Variants in SETMAR observed in about 807,000 individuals in gnomAD.
SETMAR encodes the protein histone-lysine N-methyltransferase SETMAR.
SETMAR carries 44 observed loss-of-function variants against 58.4 expected under a neutral mutation model. The observed-to-expected ratio is 0.75, with a 90% CI of 0.59 to 0.97. The LOEUF (loss-of-function observed/expected upper bound fraction) is 0.97, where lower values mean the gene tolerates loss of function less well. SETMAR is among the 50% of genes least tolerant of loss of function. The pLI, the probability that SETMAR is intolerant of heterozygous loss-of-function variation, is 0.00. For synonymous variants in SETMAR, 332 were observed against 307.4 expected, an observed-to-expected ratio of 1.08 and a Z score of -0.84; for missense variants, 903 against 840.2, an observed-to-expected ratio of 1.07 and a Z score of -0.92.
intron 1 of SETMAR, among the ~76,000 whole-genome samples, chr3:4,305,445 A>C (rs1030281425): frequency 2.6e-5 from 4 of 152,168 alleles, no homozygotes; most frequent in African/African-American, 9.7e-5. Flanking sequence ...CAGAGGGAGC[A>C]GGTTGTAAAA....
Position 4,316,359 on chromosome 3 carries a change from T to C in SETMAR, c.1168T>C (p.Phe390Leu). 2.0e-6 allele frequency: 3 copies of C among 1,531,972 alleles called. No individual in the cohort carries two copies. The highest frequency in any genetic ancestry group is 2.6e-6 in the Non-Finnish European group (3 of 1,134,616). 94.9% of individuals were successfully genotyped at this position (1,531,972 alleles called of 1,614,324 possible). A position where few individuals can be genotyped will look rare whatever the true frequency, so the allele number is the denominator to read the frequency against. ...TANERTVQWWFKKFCKGDESL... is the reference protein window; with the variant it reads ...TANERTVQWWLKKFCKGDESL... ...TAACGAACGTACAGTGCAGTGGTGG[T>C]TCAAGAAGTTTTGCAAAGGAGATGA... Residue 390 changes from phenylalanine to leucine, a missense_variant, in exon 3 of 3, where the codon TTC becomes CTC. Coordinates refer to ENST00000358065, the MANE Select transcript of SETMAR (RefSeq NM_006515.4).
At position 4,313,541 on chromosome 3, in the gene SETMAR, T is replaced by C. The variant is rs760881161; in HGVS notation, c.800T>C (p.Leu267Pro). Residue 267 changes from leucine (L) to proline (P), a missense_variant, in exon 2 of 3, where the codon CTT becomes CCT. Transcript: ENST00000358065. Reference sequence around the variant, plus strand: ...TCTTATGATTATTCAGGAAGATATCTTAATCTAACAGTCAGTGAAGACAAA... The same window carrying C: ...TCTTATGATTATTCAGGAAGATATCCTAATCTAACAGTCAGTGAAGACAAA... ...ELSYDYSGRY[L>P]NLTVSEDKER... The C allele has an allele frequency of 1.9e-6, 3 of 1,614,074 alleles. No individual in the cohort carries two copies. The South Asian group carries it at 3.3e-5, about 18-fold the overall frequency.
chr3:4,316,119 C>G (rs1698632642), intron 2 of SETMAR, 93 bp from the exon 3 acceptor site: 1 of 486,280 alleles, frequency 2.1e-6, no homozygotes, highest in African/African-American at 2.0e-5. Flanking sequence ...GGAATACATT[C>G]TTAAATGTGG....
At chr3:4,311,117 A>G (rs1289130633) in intron 1 of SETMAR, among the ~76,000 whole-genome samples, 3 of 152,160 alleles carry the variant, frequency 2.0e-5, no homozygotes, top group Admixed American at 6.5e-5. Context: ...ATGACTTTTT[A>G]AGCAGAATGT....
Position 4,313,096 on chromosome 3 carries a change from A to C in SETMAR, c.355A>C (p.Asn119His). The C allele has an allele frequency of 6.2e-7, 1 of 1,613,988 alleles. No homozygotes were observed. The highest frequency in any genetic ancestry group is 8.5e-7 in the Non-Finnish European group (1 of 1,179,960). ...GKYAEPVFEC[N>H]VLCRCSDHCR... ...GTATGCAGAGCCTGTTTTTGAATGC[A>C]ATGTCCTGTGCCGATGCAGTGACCA... Residue 119 changes from asparagine (N) to histidine (H), a missense_variant, in exon 2 of 3, where the codon AAT becomes CAT. By Grantham distance (68) the Asn-to-His change is moderately conservative. Transcript: ENST00000358065.
chr3:4,316,766 C>A lies in SETMAR; in HGVS notation c.1575C>A (p.Ile525=). The part of the protein sequence containing the change: ...EEAPKHFPKP[I]LHPKKVMVTI... ...CTCCAAAGCACTTCCCAAAGCCAAT[C>A]TTGCACCCAAAAAAGGTCATGGTCA... Residue 525 remains isoleucine, a synonymous_variant, in exon 3 of 3, where the codon ATC becomes ATA. Coordinates refer to ENST00000358065, the MANE Select transcript of SETMAR (RefSeq NM_006515.4). The A allele has an allele frequency of 6.4e-7, 1 of 1,550,784 alleles. No individual in the cohort carries two copies. The highest frequency in any genetic ancestry group is 1.2e-5 in the South Asian group (1 of 84,058).
At chr3:4,310,852 A>G (rs1014941020) in intron 1 of SETMAR, among the ~76,000 whole-genome samples, 6 of 152,222 alleles carry the variant, frequency 3.9e-5, no homozygotes, top group Non-Finnish European at 8.8e-5. Context: ...AATCAACTTA[A>G]AAGTTTAACA....
At position 4,309,252 on chromosome 3, in the gene SETMAR, T is replaced by C. The variant is rs180812082; in HGVS notation, c.157-3646T>C. Among the ~76,000 whole-genome samples, 168 of 152,292 alleles carry C rather than the reference T, an allele frequency of 1.1e-3. 1 individual carries two copies. The highest frequency in any genetic ancestry group is 3.8e-3 in the African/African-American group (157 of 41,566). ...CTTAAAGAGTCTGTTCTATCAGTAA[T>C]TCCAAAAGGGAAGAGGGTATAATGA... On this transcript the variant is annotated intron_variant, in intron 1 of 2. Transcript: ENST00000358065.
chr3:4,314,097 C>A (rs1017737080), intron 2 of SETMAR: 4 of 393,514 alleles, frequency 1.0e-5, no homozygotes, highest in African/African-American at 4.1e-5. Context: ...ATGACTGGAA[C>A]TGGAGCAGTC....
rs376155280 is a variant in SETMAR at position 4,316,963 on chromosome 3, G to A, written c.1772G>A (p.Arg591Gln). 9.7e-5 allele frequency: 151 copies of A among 1,549,268 alleles called. No homozygotes were observed. Among genetic ancestry groups the A allele is most frequent in the Non-Finnish European group, 1.2e-4 (135 of 1,146,760 alleles). Reference protein sequence around the residue: ...KGPILLHDNARPHVAQPTLQK... With the variant: ...KGPILLHDNAQPHVAQPTLQK... ...CCAATTCTTCTCCACGACAATGCCCGACCGCATGTTGCACAACCCACACTT... is the reference window on the plus strand; with the variant it reads ...CCAATTCTTCTCCACGACAATGCCCAACCGCATGTTGCACAACCCACACTT... Residue 591 changes from arginine (R) to glutamine (Q), a missense_variant, in exon 3 of 3, where the codon CGA (arginine) becomes CAA (glutamine). Transcript: ENST00000358065.
At position 4,313,357 on chromosome 3, in the gene SETMAR, A is replaced by T; in HGVS notation, c.616A>T (p.Met206Leu). The T allele has an allele frequency of 6.2e-7, 1 of 1,614,040 alleles. No homozygotes were observed. The highest frequency in any genetic ancestry group is 1.1e-5 in the South Asian group (1 of 91,076). Reference protein sequence around the residue: ...IREHVYNGQVMETFVDPTYIG... With the variant: ...IREHVYNGQVLETFVDPTYIG... ...GGAACATGTTTATAATGGGCAGGTAATGGAAACATTTGTTGACCCTACTTA... is the reference window on the plus strand; with the variant it reads ...GGAACATGTTTATAATGGGCAGGTATTGGAAACATTTGTTGACCCTACTTA... The change falls in exon 2 of 3, where the codon ATG becomes TTG. Residue 206 changes from methionine (M) to leucine (L), a missense_variant. Coordinates refer to ENST00000358065, the MANE Select transcript of SETMAR (RefSeq NM_006515.4).
intron 1 of SETMAR, among the ~76,000 whole-genome samples, chr3:4,311,356 C>T (rs73806998): frequency 0.011 from 1,683 of 152,292 alleles, 36 homozygotes; most frequent in African/African-American, 0.039. Context: ...GTGGTGCAAA[C>T]ATTCCTTCAG....
At chr3:4,313,786 C>T in intron 2 of SETMAR, 25 bp downstream of exon 2, 1 of 1,613,462 alleles carries the variant, frequency 6.2e-7, no homozygotes, top group Non-Finnish European at 8.5e-7. Flanking sequence ...TGATAAGCAG[C>T]TTGCCCCTCC....
In SETMAR at chr3:4,313,684, T is replaced by C. The variant is rs755761490; in HGVS notation, c.943T>C (p.Cys315Arg). The C allele has an allele frequency of 6.2e-7, 1 of 1,614,054 alleles. No homozygotes were observed. The stretch of plus-strand genomic sequence containing the variant: ...CCCCGTAGAAAAGTCGAACATCAGT[T>C]GTGGAAATGAGAAGGAACCCAGCAT... ...YCPVEKSNIS[C>R]GNEKEPSMCG... The change falls in exon 2 of 3, where the codon TGT becomes CGT. Residue 315 changes from cysteine to arginine, a missense_variant. By Grantham distance (180) the Cys-to-Arg change is radical. Coordinates refer to ENST00000358065, the MANE Select transcript of SETMAR (RefSeq NM_006515.4).
chr3:4,304,422 A>G (rs1309709881), intron 1 of SETMAR, among the ~76,000 whole-genome samples: 1 of 152,186 alleles, frequency 6.6e-6, no homozygotes, highest in Non-Finnish European at 1.5e-5. Context: ...GATTACAGGC[A>G]TGAGCCACGC....
At chr3:4,306,727 C>T (rs567338301) in intron 1 of SETMAR, among the ~76,000 whole-genome samples, 158 of 152,332 alleles carry the variant, frequency 1.0e-3, no homozygotes, top group African/African-American at 3.5e-3. Context: ...CTTGCTTGCT[C>T]CAAACCCTGC....
chr3:4,306,110 A>G (rs1698177619), intron 1 of SETMAR, among the ~76,000 whole-genome samples: 1 of 152,184 alleles, frequency 6.6e-6, no homozygotes, highest in African/African-American at 2.4e-5. Flanking sequence ...GGTGTTTACA[A>G]CTGTCACGAT....
Position 4,309,841 on chromosome 3 carries a change from C to A in SETMAR, c.157-3057C>A, listed in dbSNP as rs544146069. ...CCCACTTTACATTAGCTTTCAGATACAATTATACTTCAGATACAGTTATTA... is the reference window on the plus strand; with the variant it reads ...CCCACTTTACATTAGCTTTCAGATAAAATTATACTTCAGATACAGTTATTA... On this transcript the variant is annotated intron_variant, in intron 1 of 2. Coordinates refer to ENST00000358065, the MANE Select transcript of SETMAR (RefSeq NM_006515.4). Among the ~76,000 whole-genome samples the A allele has an allele frequency of 3.9e-5, 6 of 152,302 alleles. No homozygotes were observed. In the South Asian group the frequency reaches 6.2e-4, roughly 16 times the overall value.
rs774489334 is a variant in SETMAR at position 4,313,621 on chromosome 3, T to C, written c.880T>C (p.Cys294Arg). ...RKPCYCGAKS[C>R]TAFLPFDSSL... The stretch of plus-strand genomic sequence containing the variant: ...ACCTTGTTACTGTGGTGCCAAATCA[T>C]GTACTGCTTTCCTGCCTTTTGACAG... Residue 294 changes from cysteine to arginine, a missense_variant, in exon 2 of 3, where the codon TGT becomes CGT. Cys to Arg is a radical substitution (Grantham distance 180, BLOSUM62 -3). Transcript: ENST00000358065. 6.2e-6 allele frequency: 10 copies of C among 1,614,124 alleles called. No individual in the cohort carries two copies. The highest frequency in any genetic ancestry group is 2.2e-5 in the East Asian group (1 of 44,888).
Sources: gnomAD v4.1 joint callset for allele counts (sites outside exome capture counted in the v4.1 genomes callset) on GRCh38, gnomAD v4.1.1 for gene constraint, MANE v1.5 for transcripts, NCBI Gene and HGNC (gene_info 2026-07-23, HGNC 2026-07-21) for gene names.